Variants in CNGA3 observed in about 807,000 individuals in gnomAD.
CNGA3 encodes the protein cyclic nucleotide-gated channel alpha-3.
Under a neutral mutation model 46.6 loss-of-function variants are expected in CNGA3, and 42 were observed. The ratio of observed to expected loss-of-function variants is 0.90; its 90% CI spans 0.70 to 1.17. The LOEUF (loss-of-function observed/expected upper bound fraction) is 1.17. Ranked by LOEUF, CNGA3 falls within the 50% of genes most tolerant of loss-of-function variation. The pLI is 0.00. For synonymous variants in CNGA3, 394 were observed against 369.4 expected (o/e 1.07, Z -0.76); for missense variants, 893 against 890.7 (o/e 1.00, Z -0.03).
intron 1 of CNGA3, among the ~76,000 whole-genome samples, chr2:98,366,291 A>G (rs1692148665): frequency 6.6e-6 from 1 of 152,166 alleles, no homozygotes; most frequent in African/African-American, 2.4e-5. Context: ...GATCCGTCTC[A>G]AAGGGGCGCT....
At position 98,393,513 on chromosome 2, in the gene CNGA3, C is replaced by T. The variant is rs556380388; in HGVS notation, c.673+1543C>T. Among the ~76,000 whole-genome samples, 13 of 152,310 alleles carry T rather than the reference C, an allele frequency of 8.5e-5. No homozygotes were observed. The South Asian group carries it at 1.0e-3, about 12-fold the overall frequency. On this transcript the variant is annotated intron_variant, in intron 7 of 7. Coordinates refer to ENST00000272602, the MANE Select transcript of CNGA3 (RefSeq NM_001298.3). ...TGTTTGCTTCCACACTGGTGCCTAGCGTCATAACTTAGAAGACCTCAGATA... is the reference window on the plus strand; with the variant it reads ...TGTTTGCTTCCACACTGGTGCCTAGTGTCATAACTTAGAAGACCTCAGATA...
Position 98,376,504 on chromosome 2 carries a change from G to A in CNGA3, c.102-1183G>A, listed in dbSNP as rs554443248. ...AGGGAAGAATCTGTGGGCAGGTGGC[G>A]CAGTCAAGAGACAGCCCAGGCAGAC... On this transcript the variant is annotated intron_variant, in intron 2 of 7. Coordinates refer to ENST00000272602, the MANE Select transcript of CNGA3 (RefSeq NM_001298.3). Among the ~76,000 whole-genome samples, 97 of 152,254 alleles carry A rather than the reference G, an allele frequency of 6.4e-4. 2 individuals are homozygous for A. In the South Asian group the frequency reaches 0.016, roughly 24 times the overall value.
intron 4 of CNGA3, 120 bp downstream of exon 4, chr2:98,380,474 C>A: frequency 7.9e-7 from 1 of 1,267,994 alleles, no homozygotes; most frequent in Non-Finnish European, 1.1e-6. Context: ...TCCCCATGAG[C>A]TGTTCCTTGA....
At chr2:98,370,190 G>A (rs1692255050) in intron 2 of CNGA3, 114 bp downstream of exon 2, 1 of 831,228 alleles carries the variant, frequency 1.2e-6, no homozygotes, top group Non-Finnish European at 2.0e-6. Flanking sequence ...AGGTCAGAGG[G>A]CAGGGGAGGT....
intron 3 of CNGA3, among the ~76,000 whole-genome samples, chr2:98,378,745 T>C (rs1453476264): frequency 6.6e-6 from 1 of 152,212 alleles, no homozygotes; most frequent in Non-Finnish European, 1.5e-5. Flanking sequence ...GTAGGGCTGA[T>C]ACAGGGTGTG....
chr2:98,372,797 C>T (rs1046378914), intron 2 of CNGA3, among the ~76,000 whole-genome samples: 6 of 152,116 alleles, frequency 3.9e-5, no homozygotes, highest in African/African-American at 1.4e-4. Flanking sequence ...TCCTGTGGCC[C>T]TTCTCTGGTC....
rs1691919264 is a variant in CNGA3, at chr2:98,357,760, C to T, written c.-38+11226C>T. ...AGTTAAGTCCTAGAAAATACACATT[C>T]ATTTGGGAGATGCTCAAAAACCACT... is the stretch of plus-strand genomic sequence containing the variant. On this transcript the variant is annotated intron_variant, in intron 1 of 7. Transcript: ENST00000272602. 1.3e-5 allele frequency among the ~76,000 whole-genome samples: 2 copies of T among 152,220 alleles called. 1 individual carries two copies. The highest frequency in any genetic ancestry group is 4.1e-4 in the South Asian group (2 of 4,836).
intron 1 of CNGA3, among the ~76,000 whole-genome samples, chr2:98,367,802 T>C (rs986639783): frequency 2.0e-5 from 3 of 152,138 alleles, no homozygotes; most frequent in African/African-American, 7.2e-5. Context: ...TTGTTCTCTC[T>C]CCCCTAAGAA....
chr2:98,391,020 G>A (rs538713649), intron 6 of CNGA3, among the ~76,000 whole-genome samples: 7 of 152,342 alleles, frequency 4.6e-5, no homozygotes, highest in African/African-American at 1.7e-4. Flanking sequence ...AGTAGGCTTT[G>A]GGGCACTCCT....
intron 5 of CNGA3, among the ~76,000 whole-genome samples, chr2:98,388,521 C>T (rs1313045062): frequency 6.6e-6 from 1 of 152,200 alleles, no homozygotes; most frequent in Non-Finnish European, 1.5e-5. Flanking sequence ...ACCATGCCTC[C>T]TGAGACCATG....
rs80086866 is a variant in CNGA3, at chr2:98,352,683, G to A, written c.-38+6149G>A. On this transcript the variant is annotated intron_variant, in intron 1 of 7. Transcript: ENST00000272602. ...TGGGTAAAGCAGATTGCCCTCCCCAGTGTTGGTGGCCACTATTCAATCCAT... is the reference window on the plus strand; with the variant it reads ...TGGGTAAAGCAGATTGCCCTCCCCAATGTTGGTGGCCACTATTCAATCCAT... Among the ~76,000 whole-genome samples the A allele has an allele frequency of 6.8e-4, 104 of 152,270 alleles. 3 individuals carry two copies. In the East Asian group the frequency reaches 0.02, roughly 29 times the overall value.
intron 6 of CNGA3, 81 bp from the exon 7 acceptor site, chr2:98,391,783 A>G: frequency 7.4e-7 from 1 of 1,353,708 alleles, no homozygotes; most frequent in Non-Finnish European, 1.1e-6. Context: ...CGTCTTCCAC[A>G]CAGAGCCCGT....
In CNGA3 at chr2:98,370,193, G is replaced by A. The variant is rs114746457; in HGVS notation, c.101+117G>A. On this transcript the variant is annotated intron_variant, in intron 2 of 7. Coordinates refer to ENST00000272602, the MANE Select transcript of CNGA3 (RefSeq NM_001298.3). ...TTGGCCAGCCACAGGTCAGAGGGCA[G>A]GGGAGGTATTCACAGCACTGCCAAC... is the stretch of plus-strand genomic sequence containing the variant. 498 of 818,332 alleles carry A rather than the reference G, an allele frequency of 6.1e-4. 1 individual carries two copies. The African/African-American group carries it at 7.4e-3, about 12-fold the overall frequency. The allele number at this position is 818,332 out of a possible 1,614,324, so 50.7% of individuals were successfully genotyped here.
In CNGA3 at chr2:98,396,882, T is replaced by A. The variant is rs750456621; in HGVS notation, c.1712T>A (p.Ile571Asn). 2.5e-6 allele frequency: 4 copies of A among 1,614,038 alleles called. No individual in the cohort carries two copies. The African/African-American group carries it at 5.3e-5, about 22-fold the overall frequency. ...GNRRTANIRS[I>N]GYSDLFCLSK... ...CGCAGGACGGCCAACATCCGCAGCA[T>A]TGGCTACTCAGACCTGTTCTGCCTC... Residue 571 changes from isoleucine to asparagine, a missense_variant, in exon 8 of 8, where the codon ATT becomes AAT. Around this residue, in one of 3 missense-constraint regions of CNGA3, gnomAD observed 548 missense variants for 570.8 expected, o/e 0.96. Coordinates refer to ENST00000272602, the MANE Select transcript of CNGA3 (RefSeq NM_001298.3).
At position 98,346,461 on chromosome 2, in the gene CNGA3, T is replaced by C; in HGVS notation, c.-111T>C. ...GCGCGGGGGAGGGAGCGAGCGGAAC[T>C]GCGCCTAGGAGGCCGAGGGAGGAGG... On this transcript the variant is annotated 5_prime_UTR_variant, in exon 1 of 8. Coordinates refer to ENST00000272602, the MANE Select transcript of CNGA3 (RefSeq NM_001298.3). The C allele has an allele frequency of 2.5e-6, 1 of 398,510 alleles. No individual in the cohort carries two copies. The allele number at this position is 398,510 out of a possible 1,614,324, so 24.7% of individuals were successfully genotyped here.
At chr2:98,385,906 C>T (rs76331249) in intron 5 of CNGA3, among the ~76,000 whole-genome samples, 2 of 152,264 alleles carry the variant, frequency 1.3e-5, no homozygotes, top group Non-Finnish European at 2.9e-5. Flanking sequence ...AGAAAACTCA[C>T]TCACTGTCTC....
intron 4 of CNGA3, among the ~76,000 whole-genome samples, chr2:98,381,871 G>C (rs1692546265): frequency 6.6e-6 from 1 of 152,136 alleles, no homozygotes; most frequent in South Asian, 2.1e-4. Context: ...TAAGAAAGAG[G>C]ACAAAGTGGG....
intron 5 of CNGA3, among the ~76,000 whole-genome samples, chr2:98,385,397 T>C (rs1692630495): frequency 6.6e-6 from 1 of 152,206 alleles, no homozygotes. Context: ...ATTCACTTTA[T>C]TGAAATACTC....
chr2:98,353,538 C>A lies in CNGA3; in HGVS notation c.-38+7004C>A, dbSNP rs138874220. ...ATCTGAGGAGCATTTGTTCCAGGAC[C>A]TACCCACAAATACCAAAATTTAACA... On this transcript the variant is annotated intron_variant, in intron 1 of 7. Coordinates refer to ENST00000272602, the MANE Select transcript of CNGA3 (RefSeq NM_001298.3). Among the ~76,000 whole-genome samples, 89 of 152,226 alleles carry A rather than the reference C, an allele frequency of 5.8e-4. 3 individuals are homozygous for A. In the East Asian group the frequency reaches 0.017, roughly 29 times the overall value.
Sources: gnomAD v4.1 joint callset for allele counts (sites outside exome capture counted in the v4.1 genomes callset) on GRCh38, gnomAD v4.1.1 for gene constraint, gnomAD v4.1.1 regional missense constraint, MANE v1.5 for transcripts, NCBI Gene and HGNC (gene_info 2026-07-23, HGNC 2026-07-21) for gene names.